The following MSI2 variants were observed in gnomAD, a reference collection of about 807,000 sequenced individuals.
MSI2 encodes musashi RNA binding protein 2, also known as RNA-binding protein Musashi homolog 2.
Under a neutral mutation model 45.6 loss-of-function variants are expected in MSI2, and 17 were observed. That is an observed-to-expected ratio of 0.37 (90% CI 0.26 to 0.56). The LOEUF is 0.56. Among genes scored for constraint, MSI2 ranks in the 20% least tolerant of loss-of-function variants. The pLI is 0.77. For missense variants in MSI2, 293 were observed against 444.2 expected, an observed-to-expected ratio of 0.66 and a Z score of 3.06; for synonymous variants, 156 against 158.2, an observed-to-expected ratio of 0.99 and a Z score of 0.11.
intron 8 of MSI2, among the ~76,000 whole-genome samples, chr17:57,606,519 G>A (rs1399463316): frequency 6.6e-6 from 1 of 152,106 alleles, no homozygotes; most frequent in Non-Finnish European, 1.5e-5. Context: ...ATCTGGGCAG[G>A]GTGGGGGCTG....
chr17:57,580,067 G>GAA (rs531964033), intron 7 of MSI2, among the ~76,000 whole-genome samples: 2 of 138,534 alleles, frequency 1.4e-5, no homozygotes, highest in Admixed American at 7.2e-5. Context: ...GAATGTTCCA[G>GAA]AAAAAAAAAA....
chr17:57,422,679 T>C (rs987704388), intron 6 of MSI2, among the ~76,000 whole-genome samples: 101 of 152,344 alleles, frequency 6.6e-4, no homozygotes, highest in Non-Finnish European at 1.2e-3. Context: ...CTGCTCGTGG[T>C]CTGCTTTGAT....
chr17:57,309,292 T>G (rs1912172530), intron 5 of MSI2, among the ~76,000 whole-genome samples: 1 of 152,226 alleles, frequency 6.6e-6, no homozygotes, highest in African/African-American at 2.4e-5. Context: ...GTCTTACCCA[T>G]GAGCTGGAAG....
At chr17:57,315,327 G>T (rs1912766956) in intron 5 of MSI2, among the ~76,000 whole-genome samples, 1 of 152,092 alleles carries the variant, frequency 6.6e-6, no homozygotes, top group Non-Finnish European at 1.5e-5. Flanking sequence ...TGTCATTGGG[G>T]GTGAGGGCTC....
intron 11 of MSI2, among the ~76,000 whole-genome samples, chr17:57,660,302 C>T (rs79439437): frequency 0.06 from 9,190 of 152,254 alleles, 794 homozygotes; most frequent in African/African-American, 0.19. Context: ...CTTTGTGCTG[C>T]TTGGCTAAGG....
chr17:57,618,803 A>C (rs1176632945), intron 9 of MSI2, among the ~76,000 whole-genome samples: 1 of 152,154 alleles, frequency 6.6e-6, no homozygotes, highest in African/African-American at 2.4e-5. Flanking sequence ...CAGCCTCCCA[A>C]AGTGCTGGGA....
In MSI2 at chr17:57,555,758, G is replaced by A. The variant is rs548597757; in HGVS notation, c.454+26034G>A. Among the ~76,000 whole-genome samples, 3 of 152,346 alleles carry A rather than the reference G, an allele frequency of 2.0e-5. No individual in the cohort carries two copies. In the East Asian group the frequency reaches 5.8e-4, roughly 29 times the overall value. ...TGGTATATGCTTATTAACCAGAAGA[G>A]TGATGGTGTTTATCCTCACCAGGTT... On this transcript the variant is annotated intron_variant, in intron 7 of 13. Coordinates refer to ENST00000284073, the MANE Select transcript of MSI2 (RefSeq NM_138962.4).
intron 5 of MSI2, among the ~76,000 whole-genome samples, chr17:57,268,792 G>A (rs546265828): frequency 2.8e-4 from 43 of 152,208 alleles, no homozygotes; most frequent in Admixed American, 1.7e-3. Flanking sequence ...CCGAGATTGC[G>A]CCACTGCACT....
intron 8 of MSI2, among the ~76,000 whole-genome samples, chr17:57,612,618 C>T (rs1375540610): frequency 6.6e-6 from 1 of 152,206 alleles, no homozygotes; most frequent in African/African-American, 2.4e-5. Flanking sequence ...GCTGCCCAAA[C>T]CACCAGCAGC....
chr17:57,256,712 T>C lies in MSI2; in HGVS notation c.-31T>C. On this transcript the variant is annotated 5_prime_UTR_variant, in exon 1 of 14. Coordinates refer to ENST00000284073, the MANE Select transcript of MSI2 (RefSeq NM_138962.4). ...CTCCGATCGCTGTGGGGCTTGGTTT[T>C]TTGGGGGTGGGGGGGCGGGGGGGCT... The C allele has an allele frequency of 1.7e-5, 9 of 535,560 alleles. No individual in the cohort carries two copies. Among genetic ancestry groups the C allele is most frequent in the Non-Finnish European group, 1.6e-5 (7 of 427,952 alleles). The allele number at this position is 535,560 out of a possible 1,614,324, so 33.2% of individuals were successfully genotyped here. A position where few individuals can be genotyped will look rare whatever the true frequency, so the allele number is the denominator to read the frequency against.
intron 5 of MSI2, among the ~76,000 whole-genome samples, chr17:57,284,824 C>T (rs1909729047): frequency 6.6e-6 from 1 of 151,888 alleles, no homozygotes; most frequent in Non-Finnish European, 1.5e-5. Context: ...ACCTCAGCCT[C>T]ATCTGCTGGG....
intron 5 of MSI2, among the ~76,000 whole-genome samples, chr17:57,286,348 A>G (rs1307322190): frequency 1.3e-5 from 2 of 151,996 alleles, no homozygotes; most frequent in Non-Finnish European, 2.9e-5. Flanking sequence ...CTCTCCTGGA[A>G]GCTTTGTGTG....
intron 6 of MSI2, chr17:57,522,344 C>G (rs1235580217): frequency 1.3e-5 from 2 of 152,330 alleles, no homozygotes; most frequent in Non-Finnish European, 2.9e-5. Context: ...GTTTGGAGAG[C>G]TGGGTTTCTT....
chr17:57,563,432 G>A (rs1347734517), intron 7 of MSI2, among the ~76,000 whole-genome samples: 1 of 152,128 alleles, frequency 6.6e-6, no homozygotes, highest in African/African-American at 2.4e-5. Flanking sequence ...GTGAGATAAG[G>A]ACCCTTGTAC....
rs573670599 is a variant in MSI2 at position 57,449,562 on chromosome 17, A to T, written c.405+48091A>T. On this transcript the variant is annotated intron_variant, in intron 6 of 13. Transcript: ENST00000284073. ...CCCCAAGGCTTGATCGTAGACACAT[A>T]GGTTATGTGTCCATTATAGACATAT... 2.6e-5 allele frequency: 4 copies of T among 152,300 alleles called. No individual in the cohort carries two copies. In the East Asian group the frequency reaches 7.7e-4, roughly 29 times the overall value. 9.4% of individuals were successfully genotyped at this position (152,300 alleles called of 1,614,324 possible). A position where few individuals can be genotyped will look rare whatever the true frequency, so the allele number is the denominator to read the frequency against.
intron 5 of MSI2, among the ~76,000 whole-genome samples, chr17:57,345,409 T>G (rs1235628314): frequency 1.3e-5 from 2 of 152,208 alleles, no homozygotes; most frequent in African/African-American, 4.8e-5. Context: ...AACCTCACCC[T>G]TTTCTGATTT....
intron 6 of MSI2, among the ~76,000 whole-genome samples, chr17:57,481,512 T>A (rs1164187104): frequency 6.6e-6 from 1 of 152,186 alleles, no homozygotes; most frequent in African/African-American, 2.4e-5. Flanking sequence ...CCTTCTCCTT[T>A]GCTAGTAACT....
chr17:57,628,737 TG>T, intron 10 of MSI2: 1 of 152,680 alleles, frequency 6.5e-6, no homozygotes, highest in Non-Finnish European at 1.5e-5. Flanking sequence ...CCCCTGGGGC[TG>T]GGATGGTTCC....
intron 11 of MSI2, among the ~76,000 whole-genome samples, chr17:57,674,627 C>CCA (rs1913087182): frequency 6.6e-6 from 1 of 151,650 alleles, no homozygotes; most frequent in African/African-American, 2.4e-5. Context: ...TCTCTCTCTT[C>CCA]CATATATATC....
Sources: allele counts gnomAD v4.1 joint callset (sites outside exome capture counted in the v4.1 genomes callset), GRCh38; gene constraint gnomAD v4.1.1; transcripts MANE v1.5; gene names NCBI Gene and HGNC (gene_info 2026-07-23, HGNC 2026-07-21).